Variants in NTRK2 observed in about 807,000 individuals in gnomAD.
The protein encoded by NTRK2 is neurotrophic receptor tyrosine kinase 2, also known as BDNF/NT-3 growth factors receptor.
NTRK2 carries 13 observed loss-of-function variants against 94.5 expected under a neutral mutation model. That is an observed-to-expected ratio of 0.14 (90% CI 0.09 to 0.22). The LOEUF (loss-of-function observed/expected upper bound fraction) is 0.22. Ranked by LOEUF, NTRK2 falls within the 10% of genes least tolerant of loss-of-function variation. NTRK2 has a pLI of 1.00. For missense variants in NTRK2, 639 were observed against 1,071.2 expected (o/e 0.60, Z 5.63); for synonymous variants, 372 against 407.4 (o/e 0.91, Z 1.05).
rs150921508 is a variant in NTRK2, at chr9:84,718,599, C to T, written c.584-4974C>T. Among the ~76,000 whole-genome samples, 286 of 152,244 alleles carry T rather than the reference C, an allele frequency of 1.9e-3. 3 individuals carry two copies. The highest frequency in any genetic ancestry group is 6.7e-3 in the African/African-American group (279 of 41,552). On this transcript the variant is annotated intron_variant, in intron 6 of 18. Coordinates refer to ENST00000277120, the MANE Select transcript of NTRK2 (RefSeq NM_006180.6). ...GTCTGCCTGAGAAGCTGGTCATCTC[C>T]GATCTCCAGCGAGGTTCCCCAGAGT...
chr9:84,929,627 T>C (rs1225031277), intron 14 of NTRK2, among the ~76,000 whole-genome samples: 1 of 151,964 alleles, frequency 6.6e-6, no homozygotes. Flanking sequence ...AGTGGCACGA[T>C]CCCTGCTCAC....
intron 12 of NTRK2, chr9:84,812,286 T>C (rs1338546149): frequency 9.5e-7 from 1 of 1,057,048 alleles, no homozygotes; most frequent in East Asian, 5.2e-5. Flanking sequence ...CGTTATTGCT[T>C]GATGAAGACC....
At chr9:84,703,230 T>C (rs980473288) in intron 4 of NTRK2, among the ~76,000 whole-genome samples, 2 of 152,232 alleles carry the variant, frequency 1.3e-5, no homozygotes, top group Non-Finnish European at 2.9e-5. Context: ...ATTGATTCTG[T>C]TTTGCTGTAC....
At position 85,024,976 on chromosome 9, in the gene NTRK2, G is replaced by C. The variant is rs983193934; in HGVS notation, c.*3539G>C. The stretch of plus-strand genomic sequence containing the variant: ...ATACGTAGTGTGTTTGTGTGTTTAT[G>C]TATAAATTTATAGGCACACAATAAT... On this transcript the variant is annotated 3_prime_UTR_variant, in exon 19 of 19. Transcript: ENST00000277120. 1.3e-5 allele frequency: 3 copies of C among 232,944 alleles called. No individual in the cohort carries two copies. The allele number at this position is 232,944 out of a possible 1,614,324, so 14.4% of individuals were successfully genotyped here.
intron 9 of NTRK2, among the ~76,000 whole-genome samples, chr9:84,738,158 T>C (rs2063386642): frequency 6.6e-6 from 1 of 151,500 alleles, no homozygotes; most frequent in South Asian, 2.1e-4. Flanking sequence ...GGCTTGACGC[T>C]ACTTCTTGCT....
chr9:84,876,719 C>T (rs1011246548), intron 14 of NTRK2: 1 of 1,060,722 alleles, frequency 9.4e-7, no homozygotes. Flanking sequence ...CTTCCTAGTT[C>T]CTAATTTCAT....
At chr9:85,003,447 T>C (rs955117272) in intron 17 of NTRK2, among the ~76,000 whole-genome samples, 1 of 152,074 alleles carries the variant, frequency 6.6e-6, no homozygotes, top group African/African-American at 2.4e-5. Context: ...TGTAGCTAGT[T>C]CTAAGTGCAA....
intron 14 of NTRK2, among the ~76,000 whole-genome samples, chr9:84,930,838 C>T (rs184250973): frequency 1.7e-3 from 254 of 152,208 alleles, no homozygotes; most frequent in Middle Eastern, 3.4e-3. Flanking sequence ...AATGGGAAGA[C>T]GTTCTTAGCT....
intron 2 of NTRK2, among the ~76,000 whole-genome samples, chr9:84,674,986 G>C (rs1778958): frequency 0.53 from 80,246 of 151,978 alleles, 21,747 homozygotes; most frequent in East Asian, 0.66. Context: ...GGAGTTAAGA[G>C]AAGAGCCTGG....
In NTRK2 at chr9:84,901,815, A is replaced by T. The variant is rs372193213; in HGVS notation, c.1634-32347A>T. On this transcript the variant is annotated intron_variant, in intron 14 of 18. Coordinates refer to ENST00000277120, the MANE Select transcript of NTRK2 (RefSeq NM_006180.6). The stretch of plus-strand genomic sequence containing the variant: ...TAGACCATAATTCCCTCTGTACAGA[A>T]TGCTCCAAAACTCACTAGAGTCACC... 2.8e-4 allele frequency among the ~76,000 whole-genome samples: 43 copies of T among 152,264 alleles called. 1 individual carries two copies. In the South Asian group the frequency reaches 8.5e-3, roughly 30 times the overall value.
At chr9:84,766,343 T>A (rs1402250567) in intron 12 of NTRK2, among the ~76,000 whole-genome samples, 2 of 152,074 alleles carry the variant, frequency 1.3e-5, no homozygotes, top group African/African-American at 4.8e-5. Context: ...GAAATGCAGC[T>A]CACTGAGGGA....
intron 17 of NTRK2, among the ~76,000 whole-genome samples, chr9:85,014,973 A>G (rs1832059564): frequency 6.6e-6 from 1 of 152,022 alleles, no homozygotes; most frequent in Non-Finnish European, 1.5e-5. Context: ...GGCACTATGG[A>G]ATTTCTTTTT....
chr9:84,815,773 C>T, intron 12 of NTRK2: 1 of 999,278 alleles, frequency 1.0e-6, no homozygotes, highest in Non-Finnish European at 1.2e-6. Context: ...GTGCTGTCAC[C>T]TGAGTGCCCT....
At chr9:84,970,838 C>T (rs959682613) in intron 17 of NTRK2, among the ~76,000 whole-genome samples, 1 of 152,198 alleles carries the variant, frequency 6.6e-6, no homozygotes, top group Non-Finnish European at 1.5e-5. Flanking sequence ...TTTCTAAGTG[C>T]TTTCAAACAA....
chr9:85,005,630 A>G (rs929060389), intron 17 of NTRK2, among the ~76,000 whole-genome samples: 5 of 152,164 alleles, frequency 3.3e-5, no homozygotes, highest in African/African-American at 4.8e-5. Flanking sequence ...AACCCTACCA[A>G]TGATAACCCT....
chr9:84,967,532 T>G (rs1482894228), intron 17 of NTRK2, among the ~76,000 whole-genome samples: 1 of 152,264 alleles, frequency 6.6e-6, no homozygotes, highest in Non-Finnish European at 1.5e-5. Context: ...ATGGAACAGT[T>G]TCTTCCCTAC....
intron 2 of NTRK2, among the ~76,000 whole-genome samples, chr9:84,695,071 A>AC (rs2060292210): frequency 7.0e-6 from 1 of 143,558 alleles, no homozygotes; most frequent in African/African-American, 2.6e-5. Context: ...AAAAAAAAAA[A>AC]AAACACACAA....
chr9:84,824,842 T>C (rs2073080647), intron 12 of NTRK2, among the ~76,000 whole-genome samples: 1 of 152,142 alleles, frequency 6.6e-6, no homozygotes. Flanking sequence ...AAGCTATTCA[T>C]GGTTTTAATT....
intron 11 of NTRK2, among the ~76,000 whole-genome samples, chr9:84,750,130 CTTTG>C (rs1007178114): frequency 1.7e-4 from 26 of 152,186 alleles, no homozygotes; most frequent in African/African-American, 6.0e-4. Context: ...ATAAATAATC[CTTTG>C]TTTGGGGGGC....
Sources: gnomAD v4.1 joint callset for allele counts (sites outside exome capture counted in the v4.1 genomes callset) on GRCh38, gnomAD v4.1.1 for gene constraint, MANE v1.5 for transcripts, NCBI Gene and HGNC (gene_info 2026-07-23, HGNC 2026-07-21) for gene names.